The following PIEZO2 variants were observed in gnomAD, a reference collection of about 807,000 sequenced individuals.
PIEZO2 encodes piezo-type mechanosensitive ion channel component 2.
A neutral mutation model predicts 337.3 loss-of-function variants in PIEZO2; 172 were observed. The ratio of observed to expected loss-of-function variants is 0.51; its 90% confidence interval spans 0.45 to 0.58. The LOEUF (loss-of-function observed/expected upper bound fraction) is 0.58. PIEZO2 is among the 20% of genes least tolerant of loss of function. PIEZO2 has a pLI of 0.00. For synonymous variants in PIEZO2, 1,251 were observed against 1,228.5 expected, an observed-to-expected ratio of 1.02 and a Z score of -0.38; for missense variants, 3,028 against 3,391.3, an observed-to-expected ratio of 0.89 and a Z score of 2.66.
At chr18:11,063,034 G>A (rs575205841) in intron 2 of PIEZO2, among the ~76,000 whole-genome samples, 1 of 152,186 alleles carries the variant, frequency 6.6e-6, no homozygotes, top group Admixed American at 6.5e-5. Context: ...TGATAGACTG[G>A]ATTAAGAAAA....
At chr18:11,063,506 T>A (rs2038044363) in intron 2 of PIEZO2, among the ~76,000 whole-genome samples, 1 of 152,208 alleles carries the variant, frequency 6.6e-6, no homozygotes, top group Admixed American at 6.5e-5. Flanking sequence ...ATTCTCCACA[T>A]CCTGGGCACC....
At chr18:11,145,469 A>G (rs1206883440) in intron 1 of PIEZO2, among the ~76,000 whole-genome samples, 1 of 152,248 alleles carries the variant, frequency 6.6e-6, no homozygotes, top group Non-Finnish European at 1.5e-5. Flanking sequence ...CAACATCAGT[A>G]TTAAAGAAAT....
chr18:11,128,455 G>C lies in PIEZO2; in HGVS notation c.64+20070C>G, dbSNP rs1463414458. On this transcript the variant is annotated intron_variant, in intron 1 of 55. Transcript: ENST00000674853. This position sits in a 1 kb window ranked among gnomAD's most constrained non-coding sequence, Gnocchi z 4.1. The stretch of plus-strand genomic sequence containing the variant: ...ATGGGACCCTGCAACTTGGAATGGG[G>C]ATGTGTGGGAGGACCCTGATGAAGC... 6.6e-6 allele frequency among the ~76,000 whole-genome samples: 1 copy of C among 152,152 alleles called. No homozygotes were observed. The highest frequency in any genetic ancestry group is 2.4e-5 in the African/African-American group (1 of 41,434).
chr18:10,736,896 C>T (rs1208049582), intron 33 of PIEZO2, among the ~76,000 whole-genome samples, 186 bp from the exon 34 acceptor site: 3 of 152,112 alleles, frequency 2.0e-5, no homozygotes, highest in Non-Finnish European at 4.4e-5. Flanking sequence ...GCGGTGTTGG[C>T]ATATTGGGTC....
At position 10,781,194 on chromosome 18, in the gene PIEZO2, G is replaced by A. The variant is rs756088829; in HGVS notation, c.2493-828C>T. On this transcript the variant is annotated intron_variant, in intron 17 of 55. Coordinates refer to ENST00000674853, the MANE Select transcript of PIEZO2 (RefSeq NM_001378183.1). The surrounding 1 kb of genome is among the most constrained non-coding windows in gnomAD (Gnocchi z 4.1). ...GCTATAAAAGTAATGAATATGGCCG[G>A]GTGTGGTGGCTCACGCCTGTAATCC... 2.0e-5 allele frequency among the ~76,000 whole-genome samples: 3 copies of A among 152,062 alleles called. No individual in the cohort carries two copies. The highest frequency in any genetic ancestry group is 4.4e-5 in the Non-Finnish European group (3 of 68,012).
intron 5 of PIEZO2, among the ~76,000 whole-genome samples, chr18:10,860,979 C>T (rs541655347): frequency 1.3e-5 from 2 of 152,202 alleles, no homozygotes; most frequent in African/African-American, 2.4e-5. Flanking sequence ...GAGCCAAGAG[C>T]GAGACGGGTT....
chr18:10,785,669 A>G (rs1460683104), intron 16 of PIEZO2, among the ~76,000 whole-genome samples: 2 of 151,944 alleles, frequency 1.3e-5, no homozygotes, highest in Non-Finnish European at 2.9e-5. Context: ...TATCTCATTC[A>G]TCCACATTTC....
chr18:10,768,374 T>C (rs992295274), intron 21 of PIEZO2, among the ~76,000 whole-genome samples: 1 of 152,182 alleles, frequency 6.6e-6, no homozygotes, highest in African/African-American at 2.4e-5. Context: ...TTTGATTGGA[T>C]GTCATCACCA....
chr18:11,104,972 C>T lies in PIEZO2; in HGVS notation c.65-38750G>A, dbSNP rs903132452. Among the ~76,000 whole-genome samples the T allele has an allele frequency of 3.3e-5, 5 of 152,088 alleles. No individual in the cohort carries two copies. The highest frequency in any genetic ancestry group is 9.7e-5 in the African/African-American group (4 of 41,398). On this transcript the variant is annotated intron_variant, in intron 1 of 55. Coordinates refer to ENST00000674853, the MANE Select transcript of PIEZO2 (RefSeq NM_001378183.1). This position sits in a 1 kb window ranked among gnomAD's most constrained non-coding sequence, Gnocchi z 4.6. ...CACAGCGTGTCCTCTCTGGGACTTT[C>T]GCTGGAGCTAATGGAAAAGAGATAC...
chr18:11,018,694 G>A (rs528704477), intron 2 of PIEZO2, among the ~76,000 whole-genome samples: 92 of 152,120 alleles, frequency 6.0e-4, no homozygotes, highest in African/African-American at 2.1e-3. Flanking sequence ...TCTATGATTA[G>A]GCAGAAGATG....
chr18:10,725,242 G>A, intron 36 of PIEZO2: 2 of 1,567,048 alleles, frequency 1.3e-6, no homozygotes, highest in African/African-American at 1.4e-5. Context: ...ACACTTTGAG[G>A]CTGCCACCGG....
In PIEZO2 at chr18:11,118,935, G is replaced by A. The variant is rs573825418; in HGVS notation, c.64+29590C>T. 4.6e-5 allele frequency among the ~76,000 whole-genome samples: 7 copies of A among 152,236 alleles called. No individual in the cohort carries two copies. The South Asian group carries it at 1.4e-3, about 32-fold the overall frequency. On this transcript the variant is annotated intron_variant, in intron 1 of 55. Coordinates refer to ENST00000674853, the MANE Select transcript of PIEZO2 (RefSeq NM_001378183.1). ...TCACCTTCAAAGCAACTGGAACATA[G>A]AAAATCTATCTTTAGGGACACTTAT...
chr18:10,684,401 G>A (rs1353028996), intron 49 of PIEZO2, among the ~76,000 whole-genome samples: 2 of 150,250 alleles, frequency 1.3e-5, no homozygotes, highest in Admixed American at 6.6e-5. Context: ...TCCTGGCCTC[G>A]TGATCTGCCC....
chr18:10,737,683 A>G (rs927703723), intron 33 of PIEZO2: 1 of 152,262 alleles, frequency 6.6e-6, no homozygotes, highest in Non-Finnish European at 1.5e-5. Flanking sequence ...GAAATTTAAT[A>G]AATTAAATCT....
intron 7 of PIEZO2, among the ~76,000 whole-genome samples, chr18:10,844,768 G>A (rs1284915815): frequency 7.2e-6 from 1 of 138,234 alleles, no homozygotes; most frequent in Admixed American, 7.7e-5. Flanking sequence ...CAGCCTGGGC[G>A]ACAGAGGGAG....
In PIEZO2 at chr18:10,797,388, G is replaced by T. The variant is rs1461590229; in HGVS notation, c.1513C>A (p.Leu505Ile). 6.5e-7 allele frequency: 1 copy of T among 1,535,210 alleles called. No individual in the cohort carries two copies. Among genetic ancestry groups the T allele is most frequent in the Non-Finnish European group, 8.7e-7 (1 of 1,145,412 alleles). Residue 505 changes from leucine to isoleucine, a missense_variant, in exon 12 of 56, where the codon CTC (leucine) becomes ATC (isoleucine). Leu to Ile is a conservative substitution (Grantham distance 5). This residue lies in a region of PIEZO2 where 50 missense variants were observed against 88.2 expected (regional missense o/e 0.57). Transcript: ENST00000674853. ...FIMKQSYICA[L>I]IAMMAWSITY... ...ATCATACATACCATCATAGCTATGA[G>T]GGCACAGATGTAACTTTGTTTCATA...
At chr18:10,832,910 G>C (rs550159459) in intron 7 of PIEZO2, among the ~76,000 whole-genome samples, 141 of 152,240 alleles carry the variant, frequency 9.3e-4, no homozygotes, top group African/African-American at 3.3e-3. Context: ...GAAAAACACT[G>C]GTGGGCAGGT....
At position 10,855,386 on chromosome 18, in the gene PIEZO2, T is replaced by C. The variant is rs745439812; in HGVS notation, c.884A>G (p.Gln295Arg). 7.8e-6 allele frequency: 12 copies of C among 1,536,904 alleles called. No individual in the cohort carries two copies. Among genetic ancestry groups the C allele is most frequent in the South Asian group, 1.2e-5 (1 of 84,064 alleles). Reference sequence around the variant, plus strand: ...GTAGTCATTGGGTGGAACTGCCTCTTGAAAGAATTGGAACTGGTATAAATA... The same window carrying C: ...GTAGTCATTGGGTGGAACTGCCTCTCGAAAGAATTGGAACTGGTATAAATA... ...GLYLYQFQFF[Q>R]EAVPPNDYYA... is the part of the protein sequence containing the mutation. The change falls in exon 7 of 56, where the codon CAA becomes CGA. Residue 295 changes from glutamine (Q) to arginine (R), a missense_variant. This residue lies in a region of PIEZO2 where 542 missense variants were observed against 605.6 expected (regional missense o/e 0.89). Transcript: ENST00000674853. The surrounding 1 kb of genome is among the most constrained non-coding windows in gnomAD (Gnocchi z 4.9).
chr18:10,840,101 G>A (rs866855154), intron 7 of PIEZO2, among the ~76,000 whole-genome samples: 8 of 152,088 alleles, frequency 5.3e-5, no homozygotes, highest in African/African-American at 1.9e-4. Flanking sequence ...TGGGTCAAAA[G>A]GATCATTCTT....
Sources: allele counts gnomAD v4.1 joint callset (sites outside exome capture counted in the v4.1 genomes callset), GRCh38; gene constraint gnomAD v4.1.1; regional missense constraint gnomAD v4.1.1; non-coding constraint Gnocchi (gnomAD v3.1); transcripts MANE v1.5; gene names NCBI Gene and HGNC (gene_info 2026-07-23, HGNC 2026-07-21).